The following CTNNA2 variants were observed in gnomAD, a reference collection of about 807,000 sequenced individuals.
CTNNA2 encodes the protein catenin alpha 2.
Under a neutral mutation model 101.0 loss-of-function variants are expected in CTNNA2, and 42 were observed. The observed-to-expected ratio is 0.42, with a 90% CI of 0.32 to 0.54. CTNNA2 has a LOEUF of 0.54. Ranked by LOEUF, CTNNA2 falls within the 20% of genes least tolerant of loss-of-function variation. CTNNA2 has a pLI of 0.14. For synonymous variants in CTNNA2, 450 were observed against 456.4 expected (o/e 0.99, Z 0.18); for missense variants, 871 against 1,223.1 (o/e 0.71, Z 4.29).
intron 2 of CTNNA2, among the ~76,000 whole-genome samples, chr2:79,672,878 T>G (rs1183649843): frequency 6.6e-6 from 1 of 151,790 alleles, no homozygotes; most frequent in Admixed American, 6.6e-5. Flanking sequence ...CCCAGCTAAT[T>G]TTTGTATTTT....
At chr2:79,615,700 T>C in intron 1 of CTNNA2, among the ~76,000 whole-genome samples, 1 of 152,160 alleles carries the variant, frequency 6.6e-6, no homozygotes, top group Admixed American at 6.5e-5. Context: ...TACACATGCT[T>C]CTGTAAGGCA....
intron 7 of CTNNA2, among the ~76,000 whole-genome samples, chr2:80,126,683 T>C (rs12474715): frequency 0.22 from 29,827 of 135,508 alleles, 4,078 homozygotes; most frequent in South Asian, 0.41. Flanking sequence ...TCCCTCCCTT[T>C]CGTCTTTCCT....
intron 7 of CTNNA2, among the ~76,000 whole-genome samples, chr2:80,122,997 G>A (rs181112718): frequency 2.4e-4 from 37 of 152,248 alleles, no homozygotes; most frequent in Admixed American, 5.2e-4. Context: ...AAATGGAACC[G>A]TCTCACTTCT....
chr2:80,307,048 TA>T (rs1677094164), intron 7 of CTNNA2, among the ~76,000 whole-genome samples: 1 of 148,192 alleles, frequency 6.7e-6, no homozygotes. Context: ...AAATAAATTA[TA>T]TATATATATT....
chr2:80,256,704 T>C (rs186776570), intron 7 of CTNNA2, among the ~76,000 whole-genome samples: 58 of 152,276 alleles, frequency 3.8e-4, no homozygotes, highest in Non-Finnish European at 5.7e-4. Context: ...CAGTTCATCA[T>C]TGCGGCGATC....
At chr2:79,369,187 C>T (rs1309321326) in intron 3 of CTNNA2, among the ~76,000 whole-genome samples, 1 of 152,142 alleles carries the variant, frequency 6.6e-6, no homozygotes, top group Non-Finnish European at 1.5e-5. Flanking sequence ...GTCATCCACT[C>T]CTCTAGTCAG....
intron 7 of CTNNA2, among the ~76,000 whole-genome samples, chr2:80,146,221 G>A (rs970140391): frequency 2.0e-5 from 3 of 152,198 alleles, no homozygotes; most frequent in Non-Finnish European, 4.4e-5. Flanking sequence ...TTGTTCTGCA[G>A]CCCTAGCCAA....
chr2:80,037,370 C>T (rs1695733211), intron 7 of CTNNA2, among the ~76,000 whole-genome samples: 1 of 152,112 alleles, frequency 6.6e-6, no homozygotes, highest in Admixed American at 6.5e-5. Context: ...TGTCAGTTCA[C>T]TACTGCAAAA....
chr2:79,466,684 A>G (rs111569286), intron 4 of CTNNA2, among the ~76,000 whole-genome samples: 10,850 of 152,250 alleles, frequency 0.071, 948 homozygotes, highest in African/African-American at 0.2. Flanking sequence ...CGGAGCTTCC[A>G]GAGGAAAAAT....
At chr2:79,855,357 G>T (rs1343698304) in intron 3 of CTNNA2, among the ~76,000 whole-genome samples, 1 of 152,152 alleles carries the variant, frequency 6.6e-6, no homozygotes, top group Non-Finnish European at 1.5e-5. Context: ...CATCGGCTTT[G>T]AAGCAGTAGT....
intron 3 of CTNNA2, among the ~76,000 whole-genome samples, chr2:79,843,627 T>A (rs1679987271): frequency 6.6e-6 from 1 of 152,186 alleles, no homozygotes. Context: ...AAATACAAGC[T>A]CTCTGCATCT....
At chr2:79,671,984 T>G (rs972454092) in intron 2 of CTNNA2, among the ~76,000 whole-genome samples, 2 of 152,208 alleles carry the variant, frequency 1.3e-5, no homozygotes, top group African/African-American at 2.4e-5. Flanking sequence ...AATGAGCAAA[T>G]TCAATTTTCT....
chr2:79,884,347 T>A (rs1574223660), intron 6 of CTNNA2, among the ~76,000 whole-genome samples: 1 of 152,272 alleles, frequency 6.6e-6, no homozygotes, highest in South Asian at 2.1e-4. Flanking sequence ...TATTGCCATA[T>A]TTTCGTTATC....
chr2:79,627,308 C>T lies in CTNNA2; in HGVS notation c.-5-24244C>T, dbSNP rs551539188. 9.3e-4 allele frequency among the ~76,000 whole-genome samples: 142 copies of T among 152,310 alleles called. 2 individuals carry two copies. In the South Asian group the frequency reaches 0.011, roughly 12 times the overall value. ...ATAAACCATAAAACAAGTTACAGTA[C>T]GAATCCAGGGAGTGAAGAAGCTCCC... On this transcript the variant is annotated intron_variant, in intron 1 of 18. Coordinates refer to ENST00000402739, the MANE Select transcript of CTNNA2 (RefSeq NM_001282597.3).
intron 2 of CTNNA2, among the ~76,000 whole-genome samples, chr2:79,230,146 G>A (rs1481192438): frequency 6.6e-6 from 1 of 152,182 alleles, no homozygotes; most frequent in Non-Finnish European, 1.5e-5. Flanking sequence ...TAAATAATGA[G>A]GAGCCAAATG....
intron 8 of CTNNA2, among the ~76,000 whole-genome samples, chr2:80,415,942 A>C (rs1366537692): frequency 6.6e-6 from 1 of 152,194 alleles, no homozygotes; most frequent in East Asian, 1.9e-4. Context: ...CAGACAGAGA[A>C]AGACAAATAC....
At chr2:79,563,188 T>TATATATATATATATATATATATA (rs1491331448) in intron 1 of CTNNA2, among the ~76,000 whole-genome samples, 11 of 42,308 alleles carry the variant, frequency 2.6e-4, no homozygotes, top group African/African-American at 5.4e-4. Context: ...TATATATATA[T>TATATATATATATATATATATATA]TTTCCTTCAT....
chr2:79,917,236 T>A (rs1686314536), intron 7 of CTNNA2, among the ~76,000 whole-genome samples: 1 of 152,024 alleles, frequency 6.6e-6, no homozygotes, highest in Non-Finnish European at 1.5e-5. Context: ...CACGTCCAGC[T>A]AATTTTTTAT....
chr2:80,011,997 G>A (rs1037332545), intron 7 of CTNNA2, among the ~76,000 whole-genome samples: 3 of 152,110 alleles, frequency 2.0e-5, no homozygotes, highest in Non-Finnish European at 4.4e-5. Context: ...TCTGATTACT[G>A]GGGCGATAAC....
Sources: allele counts gnomAD v4.1 joint callset (sites outside exome capture counted in the v4.1 genomes callset), GRCh38; gene constraint gnomAD v4.1.1; transcripts MANE v1.5; gene names NCBI Gene and HGNC (gene_info 2026-07-23, HGNC 2026-07-21).